PLEKHA6: variants seen among roughly 807,000 people sequenced by gnomAD.
PLEKHA6 encodes the protein pleckstrin homology domain-containing family A member 6.
A neutral mutation model predicts 116.7 loss-of-function variants in PLEKHA6; 60 were observed. The observed-to-expected ratio is 0.51, with a 90% CI of 0.42 to 0.64. PLEKHA6 has a LOEUF of 0.64. Ranked by LOEUF, PLEKHA6 falls within the 30% of genes least tolerant of loss-of-function variation. The pLI is 0.00. For missense variants in PLEKHA6, 1,338 were observed against 1,422.7 expected, an observed-to-expected ratio of 0.94 and a Z score of 0.96; for synonymous variants, 489 against 556.1, an observed-to-expected ratio of 0.88 and a Z score of 1.70.
intron 1 of PLEKHA6, among the ~76,000 whole-genome samples, chr1:204,301,684 G>T (rs1330541358): frequency 6.6e-6 from 1 of 152,174 alleles, no homozygotes; most frequent in African/African-American, 2.4e-5. Flanking sequence ...TGAGGGGGAT[G>T]ATGATGATGG....
Position 204,223,586 on chromosome 1 carries a change from C to A in PLEKHA6, c.3032-1G>T. On this transcript the variant is annotated splice_acceptor_variant, in intron 21 of 22. Coordinates refer to ENST00000272203, the MANE Select transcript of PLEKHA6 (RefSeq NM_014935.5). LOFTEE classifies it high-confidence loss of function. The surrounding 1 kb of genome is among the most constrained non-coding windows in gnomAD (Gnocchi z 4.8). Reference sequence around the variant, plus strand: ...GGAGGGCTTGGGGTGGCACATTGCACTGGAAACAGAAATGAACAGGGAGGT... The same window carrying A: ...GGAGGGCTTGGGGTGGCACATTGCAATGGAAACAGAAATGAACAGGGAGGT... 9.9e-7 allele frequency: 1 copy of A among 1,010,340 alleles called. No individual in the cohort carries two copies. Among genetic ancestry groups the A allele is most frequent in the Non-Finnish European group, 1.3e-6 (1 of 757,800 alleles). 62.6% of individuals were successfully genotyped at this position (1,010,340 alleles called of 1,614,324 possible). A position where few individuals can be genotyped will look rare whatever the true frequency, so the allele number is the denominator to read the frequency against.
At chr1:204,368,018 T>C (rs377411855) in intron 2 of PLEKHA6, among the ~76,000 whole-genome samples, 2 of 152,342 alleles carry the variant, frequency 1.3e-5, no homozygotes, top group East Asian at 1.9e-4. Context: ...CATCCTTTTT[T>C]GTCCGTGATT....
upstream of PLEKHA6, among the ~76,000 whole-genome samples, chr1:204,363,886 T>TTTCTCCCA (rs1007846658): frequency 4.6e-5 from 7 of 152,098 alleles, no homozygotes; most frequent in African/African-American, 1.7e-4. Context: ...TTGCAGTGCG[T>TTTCTCCCA]TTCTCCCACG....
intron 2 of PLEKHA6, among the ~76,000 whole-genome samples, chr1:204,369,872 TTA>T (rs1673741306): frequency 6.6e-6 from 1 of 152,202 alleles, no homozygotes. Context: ...AGCCCTGGCC[TTA>T]GAGTCAGGAG....
In PLEKHA6 at chr1:204,257,781, G is replaced by T. The variant is rs142879968; in HGVS notation, c.1096C>A (p.Pro366Thr). Residue 366 changes from proline to threonine, a missense_variant, in exon 9 of 23, where the codon CCG becomes ACG. Pro to Thr is a conservative substitution (Grantham distance 38). Transcript: ENST00000272203. The surrounding 1 kb of genome is among the most constrained non-coding windows in gnomAD (Gnocchi z 6.5). ...SQYPDDYQYY[P>T]PGVRPESICS... Reference sequence around the variant, plus strand: ...ATGCTCTCCGGCCGCACTCCTGGCGGGTAGTACTGATAATCATCGGGGTAC... The same window carrying T: ...ATGCTCTCCGGCCGCACTCCTGGCGTGTAGTACTGATAATCATCGGGGTAC... The T allele has an allele frequency of 1.2e-6, 2 of 1,613,942 alleles. No homozygotes were observed. The highest frequency in any genetic ancestry group is 1.1e-5 in the South Asian group (1 of 91,036).
At position 204,261,083 on chromosome 1, in the gene PLEKHA6, T is replaced by C. The variant is rs1205369669; in HGVS notation, c.524+223A>G. Among the ~76,000 whole-genome samples, 1 of 152,164 alleles carries C rather than the reference T, an allele frequency of 6.6e-6. No homozygotes were observed. Among genetic ancestry groups the C allele is most frequent in the Non-Finnish European group, 1.5e-5 (1 of 68,038 alleles). On this transcript the variant is annotated intron_variant, in intron 7 of 22. Transcript: ENST00000272203. This position sits in a 1 kb window ranked among gnomAD's most constrained non-coding sequence, Gnocchi z 4.0. ...TGGAACCTGGCTTTTCTCTTGGCCT[T>C]CCCGAGCTCAGAGAGAAGAGGAGGA...
chr1:204,260,309 G>A (rs1417434712), intron 7 of PLEKHA6, among the ~76,000 whole-genome samples: 2 of 152,148 alleles, frequency 1.3e-5, no homozygotes, highest in Admixed American at 6.5e-5. Flanking sequence ...GGCACCAGGA[G>A]CAGAAGTTTC....
intron 1 of PLEKHA6, chr1:204,317,368 G>C (rs115175378): frequency 6.1e-5 from 11 of 181,802 alleles, no homozygotes; most frequent in South Asian, 1.9e-4. Flanking sequence ...AGGCCTCTTC[G>C]GAGAGTTTAT....
chr1:204,369,070 G>A (rs1169050268), intron 2 of PLEKHA6: 1 of 152,104 alleles, frequency 6.6e-6, no homozygotes, highest in Non-Finnish European at 1.5e-5. Flanking sequence ...TGCTGCTGAT[G>A]GTGATGCTGC....
intron 1 of PLEKHA6, among the ~76,000 whole-genome samples, chr1:204,333,058 A>T (rs1672516262): frequency 6.6e-6 from 1 of 152,252 alleles, no homozygotes; most frequent in East Asian, 1.9e-4. Flanking sequence ...AAATGAGGAT[A>T]AGGCAAACGA....
intron 9 of PLEKHA6, among the ~76,000 whole-genome samples, chr1:204,253,385 T>C (rs768398806): frequency 1.2e-4 from 19 of 152,238 alleles, no homozygotes; most frequent in Non-Finnish European, 1.5e-4. Flanking sequence ...AGTGTCTGAC[T>C]ATGTCCTGGA....
rs756719479 is a variant in PLEKHA6, at chr1:204,257,657, C to T, written c.1220G>A (p.Arg407Gln). The change falls in exon 9 of 23, where the codon CGA (arginine) becomes CAA (glutamine). Residue 407 changes from arginine (R) to glutamine (Q), a missense_variant. Around this residue, in one of 3 missense-constraint regions of PLEKHA6, gnomAD observed 1,136 missense variants for 1,163.6 expected, o/e 0.98. Coordinates refer to ENST00000272203, the MANE Select transcript of PLEKHA6 (RefSeq NM_014935.5). This position sits in a 1 kb window ranked among gnomAD's most constrained non-coding sequence, Gnocchi z 6.5. ...RNGGGPAYQLREWKEPASYGR... is the reference protein window; with the variant it reads ...RNGGGPAYQLQEWKEPASYGR... Reference sequence around the variant, plus strand: ...GTAGCTGGCGGGCTCCTTCCACTCTCGCAGCTGGTAGGCAGGGCCACCCCC... The same window carrying T: ...GTAGCTGGCGGGCTCCTTCCACTCTTGCAGCTGGTAGGCAGGGCCACCCCC... 16 of 1,609,992 alleles carry T rather than the reference C, an allele frequency of 9.9e-6. No individual in the cohort carries two copies. The highest frequency in any genetic ancestry group is 5.3e-5 in the African/African-American group (4 of 74,846).
chr1:204,346,271 C>G (rs539206051), intron 1 of PLEKHA6, among the ~76,000 whole-genome samples: 1 of 152,164 alleles, frequency 6.6e-6, no homozygotes, highest in East Asian at 2.0e-4. Flanking sequence ...TGTCTGACAG[C>G]CCCCTCGATT....
At chr1:204,280,521 C>A in intron 1 of PLEKHA6, 1 of 939,748 alleles carries the variant, frequency 1.1e-6, no homozygotes, top group Non-Finnish European at 1.3e-6. Flanking sequence ...AAAGAATTAG[C>A]CCTGGCCCAG....
intron 17 of PLEKHA6, among the ~76,000 whole-genome samples, chr1:204,235,402 T>A (rs1661895320): frequency 6.6e-6 from 1 of 152,134 alleles, no homozygotes; most frequent in South Asian, 2.1e-4. Flanking sequence ...CTAAGTTCAG[T>A]AGACAGTGAT....
intron 1 of PLEKHA6, among the ~76,000 whole-genome samples, chr1:204,310,298 A>G (rs1671611232): frequency 6.6e-6 from 1 of 152,214 alleles, no homozygotes; most frequent in Non-Finnish European, 1.5e-5. Context: ...ACAAAAATCA[A>G]TTATGAATGG....
intron 6 of PLEKHA6, among the ~76,000 whole-genome samples, chr1:204,264,316 G>A (rs1180895811): frequency 1.3e-5 from 2 of 152,166 alleles, no homozygotes; most frequent in East Asian, 3.9e-4. Context: ...TCTTTAACGG[G>A]TGGCTCCCCA....
At position 204,230,606 on chromosome 1, in the gene PLEKHA6, G is replaced by A; in HGVS notation, c.2410-20C>T. 1 of 1,586,710 alleles carries A rather than the reference G, an allele frequency of 6.3e-7. No individual in the cohort carries two copies. Among genetic ancestry groups the A allele is most frequent in the South Asian group, 1.2e-5 (1 of 86,532 alleles). ...GCGTTCCTGCTGCCATGGGAAAACA[G>A]GGCTCTGACAAGTGCCTTATCCCCC... On this transcript the variant is annotated intron_variant, in intron 17 of 22. Transcript: ENST00000272203.
chr1:204,222,137 C>T lies in PLEKHA6; in HGVS notation c.*651G>A, dbSNP rs981611599. On this transcript the variant is annotated 3_prime_UTR_variant, in exon 23 of 23. Transcript: ENST00000272203. The stretch of plus-strand genomic sequence containing the variant: ...TTCTCTAGCCACAGCCAGCACTGTT[C>T]CCTCTGGGAGCCAATGGCCTCTCCC... 6.5e-6 allele frequency: 1 copy of T among 152,744 alleles called. No individual in the cohort carries two copies. Among genetic ancestry groups the T allele is most frequent in the Non-Finnish European group, 1.5e-5 (1 of 68,356 alleles). 9.5% of individuals were successfully genotyped at this position (152,744 alleles called of 1,614,324 possible). A position where few individuals can be genotyped will look rare whatever the true frequency, so the allele number is the denominator to read the frequency against.
Sources: gnomAD v4.1 joint callset for allele counts (sites outside exome capture counted in the v4.1 genomes callset) on GRCh38, gnomAD v4.1.1 for gene constraint, gnomAD v4.1.1 regional missense constraint, Gnocchi (gnomAD v3.1) non-coding constraint, MANE v1.5 for transcripts, NCBI Gene and HGNC (gene_info 2026-07-23, HGNC 2026-07-21) for gene names.